Variants in LRMDA observed in about 807,000 individuals in gnomAD.
LRMDA encodes the protein leucine rich melanocyte differentiation associated, also known as leucine-rich melanocyte differentiation-associated protein.
Under a neutral mutation model 29.8 loss-of-function variants are expected in LRMDA, and 18 were observed. The observed-to-expected ratio is 0.60, with a 90% CI of 0.42 to 0.90. The LOEUF is 0.90. LRMDA is among the 40% of genes least tolerant of loss of function. LRMDA has a pLI of 0.00. For synonymous variants in LRMDA, 125 were observed against 109.4 expected (o/e 1.14, Z -0.89); for missense variants, 273 against 273.9 (o/e 1.00, Z 0.02).
chr10:75,533,219 A>G (rs1370230007), intron 2 of LRMDA, among the ~76,000 whole-genome samples: 1 of 152,264 alleles, frequency 6.6e-6, no homozygotes, highest in Admixed American at 6.5e-5. Flanking sequence ...GTTGGACTAC[A>G]TAAAAGTTAG....
At chr10:75,482,585 G>A (rs911064128) in intron 2 of LRMDA, among the ~76,000 whole-genome samples, 3 of 152,112 alleles carry the variant, frequency 2.0e-5, no homozygotes, top group African/African-American at 7.2e-5. Flanking sequence ...CGTATTTCCT[G>A]GCTTCCTGCA....
chr10:76,215,876 A>G (rs989689941), intron 5 of LRMDA, among the ~76,000 whole-genome samples: 3 of 152,228 alleles, frequency 2.0e-5, no homozygotes, highest in Admixed American at 6.5e-5. Context: ...AATCTCAGAA[A>G]TAGGGGACTG....
At chr10:76,402,971 C>A (rs1841864711) in intron 6 of LRMDA, among the ~76,000 whole-genome samples, 1 of 151,878 alleles carries the variant, frequency 6.6e-6, no homozygotes, top group Non-Finnish European at 1.5e-5. Context: ...TCCCACAGAA[C>A]CTCAAGGACT....
chr10:75,607,006 G>C (rs2132095553), intron 2 of LRMDA, among the ~76,000 whole-genome samples: 1 of 152,328 alleles, frequency 6.6e-6, no homozygotes, highest in Non-Finnish European at 1.5e-5. Flanking sequence ...AAGGAGGCCA[G>C]TTTGGATTAG....
intron 6 of LRMDA, among the ~76,000 whole-genome samples, chr10:76,502,064 A>G (rs1232728417): frequency 1.3e-5 from 2 of 151,936 alleles, no homozygotes; most frequent in Non-Finnish European, 2.9e-5. Context: ...GTCCAGCTTC[A>G]ATCTTCTGTA....
At chr10:75,557,029 TG>T (rs1278146009) in intron 2 of LRMDA, among the ~76,000 whole-genome samples, 1 of 151,330 alleles carries the variant, frequency 6.6e-6, no homozygotes, top group Non-Finnish European at 1.5e-5. Context: ...AAAAGTAAAA[TG>T]GGGCCAGGCA....
chr10:76,394,412 C>T (rs753836397), intron 6 of LRMDA, among the ~76,000 whole-genome samples: 4 of 152,068 alleles, frequency 2.6e-5, no homozygotes, highest in Non-Finnish European at 5.9e-5. Flanking sequence ...TATATTTTGT[C>T]AACTTGTGAA....
At chr10:75,924,532 A>G (rs1490367322) in intron 2 of LRMDA, among the ~76,000 whole-genome samples, 1 of 152,128 alleles carries the variant, frequency 6.6e-6, no homozygotes, top group East Asian at 1.9e-4. Context: ...TACAGAGAGG[A>G]TGATGGGAAG....
chr10:75,665,869 C>T (rs769682626), intron 2 of LRMDA, among the ~76,000 whole-genome samples: 10 of 152,090 alleles, frequency 6.6e-5, no homozygotes, highest in Non-Finnish European at 1.3e-4. Flanking sequence ...ATTGTGTGCC[C>T]TGTATTATGC....
chr10:75,557,322 A>C (rs1481878181), intron 2 of LRMDA, among the ~76,000 whole-genome samples: 1 of 151,652 alleles, frequency 6.6e-6, no homozygotes, highest in African/African-American at 2.4e-5. Context: ...TCAATTAAAA[A>C]AAAAAAAAAG....
intron 2 of LRMDA, among the ~76,000 whole-genome samples, chr10:75,646,726 C>T (rs1279264513): frequency 6.6e-5 from 10 of 152,154 alleles, no homozygotes; most frequent in Admixed American, 5.9e-4. Context: ...ACATTGATGG[C>T]GTGGACTGAC....
intron 2 of LRMDA, among the ~76,000 whole-genome samples, chr10:75,509,850 C>T (rs531498860): frequency 7.9e-5 from 12 of 152,342 alleles, no homozygotes; most frequent in African/African-American, 2.9e-4. Flanking sequence ...GATGAACTTA[C>T]AGCCCCAGTC....
intron 6 of LRMDA, among the ~76,000 whole-genome samples, chr10:76,377,333 C>T (rs1461646542): frequency 6.6e-6 from 1 of 152,044 alleles, no homozygotes; most frequent in Non-Finnish European, 1.5e-5. Flanking sequence ...AGATATTTTC[C>T]TCCATTCTGT....
intron 2 of LRMDA, among the ~76,000 whole-genome samples, chr10:75,461,035 T>A (rs1432738663): frequency 2.0e-5 from 3 of 152,182 alleles, no homozygotes; most frequent in Admixed American, 2.0e-4. Context: ...AATAAATACC[T>A]ATCCTCAGCC....
At chr10:76,373,805 G>T (rs1431417468) in intron 6 of LRMDA, among the ~76,000 whole-genome samples, 1 of 152,006 alleles carries the variant, frequency 6.6e-6, no homozygotes, top group Non-Finnish European at 1.5e-5. Context: ...TTCAAACTTT[G>T]CAAGTATTTA....
chr10:75,635,326 C>T (rs1186539034), intron 2 of LRMDA, among the ~76,000 whole-genome samples: 1 of 152,046 alleles, frequency 6.6e-6, no homozygotes, highest in Non-Finnish European at 1.5e-5. Context: ...AGAATTGTGC[C>T]TGAGTGTCTG....
intron 5 of LRMDA, among the ~76,000 whole-genome samples, chr10:76,085,824 G>C (rs754318897): frequency 1.3e-5 from 2 of 152,044 alleles, no homozygotes; most frequent in African/African-American, 4.8e-5. Context: ...CTTCCTCCCC[G>C]CTCTCCCTCA....
intron 2 of LRMDA, among the ~76,000 whole-genome samples, chr10:76,008,239 G>T (rs1423773472): frequency 6.6e-6 from 1 of 152,168 alleles, no homozygotes; most frequent in African/African-American, 2.4e-5. Context: ...ATGGATCACA[G>T]TTTAGAAATG....
chr10:75,668,225 G>A (rs983069188), intron 2 of LRMDA, among the ~76,000 whole-genome samples: 1 of 152,168 alleles, frequency 6.6e-6, no homozygotes. Flanking sequence ...GACCACGTAA[G>A]GCTCTTTTCT....
Sources: allele counts gnomAD v4.1 joint callset (sites outside exome capture counted in the v4.1 genomes callset), GRCh38; gene constraint gnomAD v4.1.1; transcripts MANE v1.5; gene names NCBI Gene and HGNC (gene_info 2026-07-23, HGNC 2026-07-21).